Variants in RBM38 observed in about 807,000 individuals in gnomAD.
The protein encoded by RBM38 is RNA-binding protein 38.
Under a neutral mutation model 23.5 loss-of-function variants are expected in RBM38, and 11 were observed. The ratio of observed to expected loss-of-function variants is 0.47; its 90% CI spans 0.29 to 0.77. The LOEUF is 0.77. RBM38 is among the 30% of genes least tolerant of loss of function. The pLI, the probability that RBM38 is intolerant of heterozygous loss-of-function variation, is 0.08. For missense variants in RBM38, 330 were observed against 351.9 expected (o/e 0.94, Z 0.50); for synonymous variants, 165 against 166.1 (o/e 0.99, Z 0.05).
rs116889314 is a variant in RBM38 at position 57,407,163 on chromosome 20, C to T, written c.417-380C>T. ...AGACATGCAACCAGGACATTCGTAC[C>T]GGGCCCTGCTCTTGATCGCATGCTC... On this transcript the variant is annotated intron_variant, in intron 3 of 3. Transcript: ENST00000356208. This position sits in a 1 kb window ranked among gnomAD's most constrained non-coding sequence, Gnocchi z 4.0. 0.015 allele frequency among the ~76,000 whole-genome samples: 2,219 copies of T among 152,268 alleles called. 91 individuals are homozygous for T. The highest frequency in any genetic ancestry group is 0.086 in the Admixed American group (1,312 of 15,290).
chr20:57,407,778 G>A lies in RBM38; in HGVS notation c.652G>A (p.Ala218Thr), dbSNP rs751320408. 2.7e-5 allele frequency: 43 copies of A among 1,605,636 alleles called. No homozygotes were observed. The highest frequency in any genetic ancestry group is 3.5e-5 in the Non-Finnish European group (41 of 1,177,672). The change falls in exon 4 of 4, where the codon GCA becomes ACA. Residue 218 changes from alanine (A) to threonine (T), a missense_variant. Ala to Thr is a moderately conservative substitution (Grantham distance 58). Around this residue, in one of 3 missense-constraint regions of RBM38, gnomAD observed 227 missense variants for 216.4 expected, o/e 1.05. Coordinates refer to ENST00000356208, the MANE Select transcript of RBM38 (RefSeq NM_017495.6). The surrounding 1 kb of genome is among the most constrained non-coding windows in gnomAD (Gnocchi z 4.0). ...PAAVPQALSA[A>T]APAGTTFVQY... ...CGCCGTGCCCCAGGCCCTCTCAGCC[G>A]CAGCACCCGCGGGCACCACTTTCGT...
In RBM38 at chr20:57,391,851, G is replaced by A. The variant is rs759410760; in HGVS notation, c.237+33G>A. On this transcript the variant is annotated intron_variant, in intron 1 of 3. Transcript: ENST00000356208. The stretch of plus-strand genomic sequence containing the variant: ...GCCCCCGCGCCCGGGCCCGCACCCC[G>A]CCGCACACCTTATCGCGGCCCGGGC... 12 of 1,452,998 alleles carry A rather than the reference G, an allele frequency of 8.3e-6. No homozygotes were observed. The South Asian group carries it at 1.4e-4, about 17-fold the overall frequency. 90.0% of individuals were successfully genotyped at this position (1,452,998 alleles called of 1,614,324 possible).
At chr20:57,392,352 C>T (rs1214617166) in intron 1 of RBM38, 3 of 1,366,634 alleles carry the variant, frequency 2.2e-6, no homozygotes, top group Admixed American at 2.1e-5. Context: ...GTCCAGGCGG[C>T]CCCCCAAGCT....
In RBM38 at chr20:57,407,006, AAAAAC is replaced by A. The variant is rs1163850142; in HGVS notation, c.417-533_417-529del. On this transcript the variant is annotated intron_variant, in intron 3 of 3. Coordinates refer to ENST00000356208, the MANE Select transcript of RBM38 (RefSeq NM_017495.6). The surrounding 1 kb of genome is among the most constrained non-coding windows in gnomAD (Gnocchi z 4.0). The stretch of plus-strand genomic sequence containing the variant: ...GAGACTCTGTCTCAAAAAAAAAAAA[AAAAAC>A]AAACCCTGTGAGGAGCAGGTGTTGG... Among the ~76,000 whole-genome samples, 2 of 151,664 alleles carry A rather than the reference AAAAAC, an allele frequency of 1.3e-5. No homozygotes were observed. The highest frequency in any genetic ancestry group is 1.9e-4 in the East Asian group (1 of 5,148).
intron 3 of RBM38, among the ~76,000 whole-genome samples, chr20:57,404,707 G>A (rs1000260400): frequency 6.6e-6 from 1 of 152,270 alleles, no homozygotes; most frequent in Admixed American, 6.5e-5. Flanking sequence ...CAGAGAGCTG[G>A]GAGTCCAGAC....
chr20:57,392,575 G>A, intron 1 of RBM38, 79 bp from the exon 2 acceptor site: 1 of 1,526,012 alleles, frequency 6.6e-7, no homozygotes, highest in Non-Finnish European at 8.8e-7. Flanking sequence ...GGCAGCATCC[G>A]GTGCCAGGGC....
rs2067392727 is a variant in RBM38, at chr20:57,407,041, G to A, written c.417-502G>A. ...CCTGTGAGGAGCAGGTGTTGGCTGG[G>A]AGAGCAGGCGTGTACATGAGCCAAG... On this transcript the variant is annotated intron_variant, in intron 3 of 3. Transcript: ENST00000356208. This position sits in a 1 kb window ranked among gnomAD's most constrained non-coding sequence, Gnocchi z 4.0. 6.6e-6 allele frequency among the ~76,000 whole-genome samples: 1 copy of A among 151,968 alleles called. No homozygotes were observed. The highest frequency in any genetic ancestry group is 2.4e-5 in the African/African-American group (1 of 41,368).
chr20:57,407,918 C>A lies in RBM38; in HGVS notation c.*72C>A. ...GACAGAGCTGCCAGGCCATGATGGGCTGGCGACAGCCCGGCTGAGCTTCAG... is the reference window on the plus strand; with the variant it reads ...GACAGAGCTGCCAGGCCATGATGGGATGGCGACAGCCCGGCTGAGCTTCAG... On this transcript the variant is annotated 3_prime_UTR_variant, in exon 4 of 4. Transcript: ENST00000356208. This position sits in a 1 kb window ranked among gnomAD's most constrained non-coding sequence, Gnocchi z 4.0. 6.8e-7 allele frequency: 1 copy of A among 1,480,974 alleles called. No individual in the cohort carries two copies. The highest frequency in any genetic ancestry group is 9.0e-7 in the Non-Finnish European group (1 of 1,113,366). 91.7% of individuals were successfully genotyped at this position (1,480,974 alleles called of 1,614,324 possible).
chr20:57,393,179 C>G, intron 2 of RBM38, 100 bp from the exon 3 acceptor site: 1 of 1,149,380 alleles, frequency 8.7e-7, no homozygotes, highest in Non-Finnish European at 1.3e-6. Flanking sequence ...TCCCTTTTGA[C>G]TAGAGGTGTG....
At chr20:57,395,013 C>T (rs948195932) in intron 3 of RBM38, among the ~76,000 whole-genome samples, 1 of 152,236 alleles carries the variant, frequency 6.6e-6, no homozygotes, top group Non-Finnish European at 1.5e-5. Flanking sequence ...TTGCCCCTTA[C>T]CAGCTGGGTC....
intron 3 of RBM38, among the ~76,000 whole-genome samples, chr20:57,395,565 C>T (rs781007844): frequency 9.2e-5 from 14 of 152,320 alleles, no homozygotes; most frequent in African/African-American, 2.4e-4. Context: ...CAAACAGGGA[C>T]GGTGTCAGAG....
chr20:57,407,413 G>A lies in RBM38; in HGVS notation c.417-130G>A, dbSNP rs919858834. 3.8e-6 allele frequency: 4 copies of A among 1,060,926 alleles called. No homozygotes were observed. In the African/African-American group the frequency reaches 6.4e-5, roughly 17 times the overall value. The allele number at this position is 1,060,926 out of a possible 1,614,324, so 65.7% of individuals were successfully genotyped here. The stretch of plus-strand genomic sequence containing the variant: ...CAGCATCTGGCCAGGTGCTGTTTCT[G>A]TGCCCATCTGACCGATGAGGAAAGT... On this transcript the variant is annotated intron_variant, in intron 3 of 3. Transcript: ENST00000356208. The surrounding 1 kb of genome is among the most constrained non-coding windows in gnomAD (Gnocchi z 4.0).
In RBM38 at chr20:57,407,815, C is replaced by T. The variant is rs1478634522; in HGVS notation, c.689C>T (p.Ala230Val). 12 of 1,585,072 alleles carry T rather than the reference C, an allele frequency of 7.6e-6. No homozygotes were observed. The highest frequency in any genetic ancestry group is 1.3e-5 in the African/African-American group (1 of 74,442). ...PAGTTFVQYQ[A>V]PQLQPDRMQ Reference sequence around the variant, plus strand: ...GGCACCACTTTCGTGCAGTACCAGGCGCCGCAGCTGCAGCCTGACAGGATG... The same window carrying T: ...GGCACCACTTTCGTGCAGTACCAGGTGCCGCAGCTGCAGCCTGACAGGATG... Residue 230 changes from alanine (A) to valine (V), a missense_variant, in exon 4 of 4, where the codon GCG (alanine) becomes GTG (valine). Transcript: ENST00000356208. The surrounding 1 kb of genome is among the most constrained non-coding windows in gnomAD (Gnocchi z 4.0).
chr20:57,395,859 G>A (rs963064085), intron 3 of RBM38, among the ~76,000 whole-genome samples: 2 of 152,172 alleles, frequency 1.3e-5, no homozygotes, highest in Non-Finnish European at 2.9e-5. Flanking sequence ...CTGACTCAGC[G>A]GCCAGTTTTG....
chr20:57,391,977 T>C (rs1373301744), intron 1 of RBM38, among the ~76,000 whole-genome samples, 159 bp downstream of exon 1: 2 of 51,010 alleles, frequency 3.9e-5, no homozygotes, highest in East Asian at 2.2e-3. Context: ...CCGGGCGCGC[T>C]CCTGCCGGTC....
chr20:57,403,204 A>G (rs559462333), intron 3 of RBM38, among the ~76,000 whole-genome samples: 46 of 152,334 alleles, frequency 3.0e-4, no homozygotes, highest in Middle Eastern at 3.4e-3. Flanking sequence ...TGGCACCTCT[A>G]GGCCTCACAG....
chr20:57,393,037 G>A, intron 2 of RBM38: 1 of 647,202 alleles, frequency 1.5e-6, no homozygotes, highest in Non-Finnish European at 2.6e-6. Flanking sequence ...GGGAGGAAGT[G>A]GCCATGGGGC....
chr20:57,406,550 A>G (rs1380214492), intron 3 of RBM38, among the ~76,000 whole-genome samples: 2 of 151,982 alleles, frequency 1.3e-5, no homozygotes, highest in Non-Finnish European at 2.9e-5. Context: ...GTCTCCCCCC[A>G]GCGTGGGCGC....
In RBM38 at chr20:57,407,459, G is replaced by T; in HGVS notation, c.417-84G>T. On this transcript the variant is annotated intron_variant, in intron 3 of 3. Transcript: ENST00000356208. This position sits in a 1 kb window ranked among gnomAD's most constrained non-coding sequence, Gnocchi z 4.0. Reference sequence around the variant, plus strand: ...AAAGTCGGGGCTCGGGGTGGGGGGCGGCACGCATCGTGTACCCCACTGTTC... The same window carrying T: ...AAAGTCGGGGCTCGGGGTGGGGGGCTGCACGCATCGTGTACCCCACTGTTC... 1.4e-6 allele frequency: 2 copies of T among 1,430,328 alleles called. No homozygotes were observed. Among genetic ancestry groups the T allele is most frequent in the Non-Finnish European group, 1.9e-6 (2 of 1,048,316 alleles). The allele number at this position is 1,430,328 out of a possible 1,614,324, so 88.6% of individuals were successfully genotyped here.
Sources: allele counts gnomAD v4.1 joint callset (sites outside exome capture counted in the v4.1 genomes callset), GRCh38; gene constraint gnomAD v4.1.1; regional missense constraint gnomAD v4.1.1; non-coding constraint Gnocchi (gnomAD v3.1); transcripts MANE v1.5; gene names NCBI Gene and HGNC (gene_info 2026-07-23, HGNC 2026-07-21).